VPS13B: variants seen among roughly 807,000 people sequenced by gnomAD.
VPS13B encodes intermembrane lipid transfer protein VPS13B.
Under a neutral mutation model 426.4 loss-of-function variants are expected in VPS13B, and 285 were observed. The observed-to-expected ratio is 0.67, with a 90% CI of 0.61 to 0.74. The LOEUF (loss-of-function observed/expected upper bound fraction) is 0.74, where lower values mean the gene tolerates loss of function less well. Among genes scored for constraint, VPS13B ranks in the 30% least tolerant of loss-of-function variants. The probability of loss-of-function intolerance (pLI) is 0.00; values close to 1 mark genes in which losing one functional copy is unlikely to be tolerated. For synonymous variants in VPS13B, 1,676 were observed against 1,676.4 expected, an observed-to-expected ratio of 1.00 and a Z score of 0.01; for missense variants, 4,537 against 4,782.6, an observed-to-expected ratio of 0.95 and a Z score of 1.51.
intron 35 of VPS13B, among the ~76,000 whole-genome samples, chr8:99,666,384 A>G (rs2129827033): frequency 6.6e-6 from 1 of 152,310 alleles, no homozygotes; most frequent in East Asian, 1.9e-4. Flanking sequence ...AATATCCTTG[A>G]TGAACATCGA....
chr8:99,562,275 C>A (rs932191840), intron 31 of VPS13B, among the ~76,000 whole-genome samples: 2 of 151,690 alleles, frequency 1.3e-5, no homozygotes, highest in African/African-American at 2.4e-5. Context: ...TTTTGCCCCC[C>A]CCATCCCCAC....
chr8:99,272,468 A>G (rs1234646587), intron 17 of VPS13B, among the ~76,000 whole-genome samples: 1 of 152,192 alleles, frequency 6.6e-6, no homozygotes, highest in Non-Finnish European at 1.5e-5. Flanking sequence ...AATGTACATA[A>G]CACATACTTA....
At chr8:99,115,991 C>A in intron 7 of VPS13B, 117 bp downstream of exon 7, 2 of 1,078,988 alleles carry the variant, frequency 1.9e-6, no homozygotes, top group Non-Finnish European at 1.3e-6. Flanking sequence ...ATGAGATGGG[C>A]TGATTGTTTT....
At chr8:99,412,722 C>G (rs1815753104) in intron 21 of VPS13B, among the ~76,000 whole-genome samples, 1 of 152,068 alleles carries the variant, frequency 6.6e-6, no homozygotes, top group Non-Finnish European at 1.5e-5. Flanking sequence ...ATAAATAGCT[C>G]TTATTATTTT....
At chr8:99,848,114 A>G (rs1816075362) in intron 54 of VPS13B, among the ~76,000 whole-genome samples, 1 of 152,186 alleles carries the variant, frequency 6.6e-6, no homozygotes, top group Admixed American at 6.5e-5. Flanking sequence ...GCAACTCACT[A>G]TTTAATACTG....
At chr8:99,192,290 A>T (rs1049855630) in intron 16 of VPS13B, among the ~76,000 whole-genome samples, 4 of 152,220 alleles carry the variant, frequency 2.6e-5, no homozygotes, top group Non-Finnish European at 4.4e-5. Context: ...AGAGTCCTGC[A>T]TGTAATGTAA....
chr8:99,714,656 A>G (rs888784840), intron 36 of VPS13B, among the ~76,000 whole-genome samples: 1 of 152,214 alleles, frequency 6.6e-6, no homozygotes, highest in Non-Finnish European at 1.5e-5. Context: ...CACCAATATG[A>G]CGCACTAAGG....
At chr8:99,267,793 A>G (rs1366952177) in intron 17 of VPS13B, among the ~76,000 whole-genome samples, 1 of 152,144 alleles carries the variant, frequency 6.6e-6, no homozygotes, top group Non-Finnish European at 1.5e-5. Context: ...GGCCACAAAA[A>G]TTTGCATAAG....
chr8:99,562,987 TCAA>T (rs1034546836), intron 31 of VPS13B, among the ~76,000 whole-genome samples: 6 of 152,044 alleles, frequency 3.9e-5, no homozygotes, highest in Non-Finnish European at 5.9e-5. Context: ...AGACCTTGTC[TCAA>T]CAACAACAAC....
chr8:99,300,421 C>CA (rs367840772), intron 19 of VPS13B, among the ~76,000 whole-genome samples: 25 of 152,254 alleles, frequency 1.6e-4, no homozygotes, highest in African/African-American at 5.8e-4. Context: ...GTAAATACTG[C>CA]AACAGTATGC....
At chr8:99,283,412 A>T (rs1244167679) in intron 19 of VPS13B, among the ~76,000 whole-genome samples, 1 of 152,124 alleles carries the variant, frequency 6.6e-6, no homozygotes, top group African/African-American at 2.4e-5. Flanking sequence ...TTGGTGCAAA[A>T]AATCTTATCC....
chr8:99,298,701 T>G (rs934815645), intron 19 of VPS13B, among the ~76,000 whole-genome samples: 1 of 152,210 alleles, frequency 6.6e-6, no homozygotes, highest in African/African-American at 2.4e-5. Flanking sequence ...CAACACTGTT[T>G]AAGAGAAAGA....
At chr8:99,260,345 C>T (rs1817978681) in intron 17 of VPS13B, among the ~76,000 whole-genome samples, 1 of 151,940 alleles carries the variant, frequency 6.6e-6, no homozygotes, top group Non-Finnish European at 1.5e-5. Context: ...ATCTTCAGAC[C>T]TGAGAATCCT....
At chr8:99,561,456 T>C (rs1242898843) in intron 31 of VPS13B, among the ~76,000 whole-genome samples, 1 of 152,172 alleles carries the variant, frequency 6.6e-6, no homozygotes, top group Non-Finnish European at 1.5e-5. Flanking sequence ...TTATAATGGG[T>C]CAATTTAAGA....
chr8:99,030,097 T>TTTATA (rs1563493609), intron 2 of VPS13B, among the ~76,000 whole-genome samples: 5 of 151,432 alleles, frequency 3.3e-5, no homozygotes, highest in Non-Finnish European at 5.9e-5. Context: ...TTTATATGCT[T>TTTATA]TGTCTGTTCT....
intron 28 of VPS13B, among the ~76,000 whole-genome samples, chr8:99,508,378 A>G (rs1260308840): frequency 6.6e-6 from 1 of 152,228 alleles, no homozygotes; most frequent in Non-Finnish European, 1.5e-5. Context: ...ACAAGGCTGT[A>G]TCAGTGACTT....
At chr8:99,561,428 A>G (rs1174707681) in intron 31 of VPS13B, among the ~76,000 whole-genome samples, 1 of 152,158 alleles carries the variant, frequency 6.6e-6, no homozygotes, top group African/African-American at 2.4e-5. Flanking sequence ...CACTGTGTGT[A>G]TGTAAGTGAT....
At chr8:99,266,188 C>T (rs1042326498) in intron 17 of VPS13B, among the ~76,000 whole-genome samples, 4 of 151,596 alleles carry the variant, frequency 2.6e-5, no homozygotes, top group East Asian at 1.9e-4. Context: ...AGAATTATAG[C>T]GGGCAAGAAG....
chr8:99,226,045 A>G (rs970789391), intron 17 of VPS13B, among the ~76,000 whole-genome samples: 10 of 152,004 alleles, frequency 6.6e-5, no homozygotes, highest in Non-Finnish European at 1.5e-5. Flanking sequence ...CCTGTGTTCA[A>G]GCCATTCTCC....
Sources: allele counts gnomAD v4.1 joint callset (sites outside exome capture counted in the v4.1 genomes callset), GRCh38; gene constraint gnomAD v4.1.1; transcripts MANE v1.5; gene names NCBI Gene and HGNC (gene_info 2026-07-23, HGNC 2026-07-21).